The following SCARB2 variants were observed in gnomAD, a reference collection of about 807,000 sequenced individuals.
The protein encoded by SCARB2 is lysosome membrane protein 2.
Under a neutral mutation model 58.6 loss-of-function variants are expected in SCARB2, and 29 were observed. The ratio of observed to expected loss-of-function variants is 0.49; its 90% CI spans 0.37 to 0.67. SCARB2 has a LOEUF of 0.67. SCARB2 is among the 30% of genes least tolerant of loss of function. SCARB2 has a pLI of 0.00. For synonymous variants in SCARB2, 195 were observed against 210.1 expected (o/e 0.93, Z 0.62); for missense variants, 488 against 578.5 (o/e 0.84, Z 1.60).
chr4:76,163,752 G>A, intron 10 of SCARB2: 1 of 335,088 alleles, frequency 3.0e-6, no homozygotes, highest in South Asian at 2.6e-5. Flanking sequence ...CTAGTCAAAG[G>A]CCTCCTCCCT....
intron 1 of SCARB2, among the ~76,000 whole-genome samples, chr4:76,232,938 A>C (rs1302411862): frequency 6.6e-6 from 1 of 152,232 alleles, no homozygotes; most frequent in African/African-American, 2.4e-5. Context: ...TTTAGTTAAC[A>C]TGGTCACAGA....
At chr4:76,169,018 T>C (rs1195122988) in intron 8 of SCARB2, among the ~76,000 whole-genome samples, 3 of 152,220 alleles carry the variant, frequency 2.0e-5, no homozygotes, top group South Asian at 2.1e-4. Context: ...TGTTCGTCCC[T>C]TGGTGACAAG....
At chr4:76,231,555 G>T (rs1733493086) in intron 1 of SCARB2, among the ~76,000 whole-genome samples, 1 of 152,128 alleles carries the variant, frequency 6.6e-6, no homozygotes, top group South Asian at 2.1e-4. Context: ...AATCATGACA[G>T]GACTGAGTTG....
At chr4:76,180,107 G>C (rs1453286271) in intron 3 of SCARB2, 1 of 288,250 alleles carries the variant, frequency 3.5e-6, no homozygotes, top group Non-Finnish European at 6.8e-6. Flanking sequence ...ATACTGTCTA[G>C]GTCCTGGGTC....
intron 11 of SCARB2, 79 bp from the exon 12 acceptor site, chr4:76,161,830 G>T: frequency 7.2e-7 from 1 of 1,384,346 alleles, no homozygotes; most frequent in Non-Finnish European, 1.0e-6. Context: ...TGGGTGGGGA[G>T]TGGGGGCATG....
chr4:76,172,999 G>A (rs1732164480), intron 7 of SCARB2: 1 of 152,122 alleles, frequency 6.6e-6, no homozygotes. Context: ...AGAGGGAGGA[G>A]TCGCATCAAA....
At chr4:76,186,784 TGA>T (rs1560712816) in intron 2 of SCARB2, among the ~76,000 whole-genome samples, 1 of 152,176 alleles carries the variant, frequency 6.6e-6, no homozygotes, top group Admixed American at 6.5e-5. Context: ...TAAGATGGTG[TGA>T]GAGATCTTTT....
intron 1 of SCARB2, among the ~76,000 whole-genome samples, chr4:76,208,755 C>G (rs894250): frequency 3.9e-5 from 6 of 152,138 alleles, no homozygotes. Context: ...AAAGAATCCT[C>G]TCTTGCCAGA....
chr4:76,168,592 T>A (rs755991226), intron 8 of SCARB2, 116 bp from the exon 9 acceptor site: 1 of 826,788 alleles, frequency 1.2e-6, no homozygotes, highest in Non-Finnish European at 2.0e-6. Flanking sequence ...TTACCATGTG[T>A]GACAGGCAGA....
Position 76,181,064 on chromosome 4 carries a change from T to A in SCARB2, c.313A>T (p.Asn105Tyr). Residue 105 changes from asparagine (N) to tyrosine (Y), a missense_variant, in exon 3 of 12, where the codon AAT (asparagine) becomes TAT (tyrosine). By Grantham distance (143) the Asn-to-Tyr change is moderately radical. Coordinates refer to ENST00000264896, the MANE Select transcript of SCARB2 (RefSeq NM_005506.4). Reference sequence around the variant, plus strand: ...CTAACAGCAGATATTGTTGTTCCATTATCTCCAAATTGAATATTTGCTTTG... The same window carrying A: ...CTAACAGCAGATATTGTTGTTCCATAATCTCCAAATTGAATATTTGCTTTG... ...RNKANIQFGD[N>Y]GTTISAVSNK... The A allele has an allele frequency of 6.2e-7, 1 of 1,613,864 alleles. No homozygotes were observed. Among genetic ancestry groups the A allele is most frequent in the Non-Finnish European group, 8.5e-7 (1 of 1,179,896 alleles).
chr4:76,182,257 A>G (rs1230521999), intron 2 of SCARB2, among the ~76,000 whole-genome samples: 2 of 152,186 alleles, frequency 1.3e-5, no homozygotes, highest in African/African-American at 4.8e-5. Context: ...CATGGTAGCC[A>G]CTAGTCACAT....
intron 1 of SCARB2, among the ~76,000 whole-genome samples, chr4:76,201,934 T>C (rs1285607229): frequency 6.6e-6 from 1 of 152,236 alleles, no homozygotes; most frequent in African/African-American, 2.4e-5. Flanking sequence ...AATTCCTTTG[T>C]GCTAAGCCAC....
At chr4:76,190,365 T>C (rs191921278) in intron 2 of SCARB2, among the ~76,000 whole-genome samples, 1 of 152,088 alleles carries the variant, frequency 6.6e-6, no homozygotes, top group African/African-American at 2.4e-5. Flanking sequence ...CAGGCAAGTC[T>C]CAGGAGGAGA....
At chr4:76,229,372 C>T (rs947033263) in intron 1 of SCARB2, among the ~76,000 whole-genome samples, 1 of 152,110 alleles carries the variant, frequency 6.6e-6, no homozygotes, top group African/African-American at 2.4e-5. Flanking sequence ...GGTTTGAATC[C>T]ATTGCTAGGG....
intron 2 of SCARB2, among the ~76,000 whole-genome samples, chr4:76,182,025 T>C (rs1337961037): frequency 2.8e-5 from 4 of 143,628 alleles, no homozygotes; most frequent in Non-Finnish European, 6.1e-5. Context: ...AATAGTTTAA[T>C]GCACTATTTA....
chr4:76,197,883 AT>A (rs1018531946), intron 1 of SCARB2, among the ~76,000 whole-genome samples: 4 of 151,908 alleles, frequency 2.6e-5, no homozygotes, highest in Admixed American at 2.6e-4. Context: ...AGAAAAAAAA[AT>A]GTTCCCTTAT....
At chr4:76,219,721 G>T (rs1178572457) in intron 1 of SCARB2, among the ~76,000 whole-genome samples, 1 of 151,968 alleles carries the variant, frequency 6.6e-6, no homozygotes, top group Non-Finnish European at 1.5e-5. Context: ...AGATAGGGGT[G>T]CAGTAGTGGA....
In SCARB2 at chr4:76,170,971, T is replaced by TATATATATATATATATATAA. The variant is rs34900504; in HGVS notation, c.995-987_995-986insTTATATATATATATATATAT. On this transcript the variant is annotated intron_variant, in intron 7 of 11. Transcript: ENST00000264896. ...ATATATATATATATATATATATATA[T>TATATATATATATATATATAA]AACCAAATAGGGAAACAAGTTACTA... Among the ~76,000 whole-genome samples the TATATATATATATATATATAA allele has an allele frequency of 1.7e-3, 221 of 133,808 alleles. 1 individual carries two copies. The highest frequency in any genetic ancestry group is 4.0e-3 in the Middle Eastern group (1 of 248). 87.8% of individuals were successfully genotyped at this position (133,808 alleles called of 152,430 possible). A position where few individuals can be genotyped will look rare whatever the true frequency, so the allele number is the denominator to read the frequency against.
chr4:76,190,157 T>C (rs1436072017), intron 2 of SCARB2, among the ~76,000 whole-genome samples: 1 of 151,928 alleles, frequency 6.6e-6, no homozygotes, highest in Non-Finnish European at 1.5e-5. Context: ...CACAGGCACA[T>C]GCCACCACGC....
Sources: allele counts gnomAD v4.1 joint callset (sites outside exome capture counted in the v4.1 genomes callset), GRCh38; gene constraint gnomAD v4.1.1; transcripts MANE v1.5; gene names NCBI Gene and HGNC (gene_info 2026-07-23, HGNC 2026-07-21).